Variants in ZNF711 observed in about 807,000 individuals in gnomAD.
The protein encoded by ZNF711 is ZFX family zinc finger ZNF711.
Under a neutral mutation model 43.5 loss-of-function variants are expected in ZNF711, and 3 were observed. The ratio of observed to expected loss-of-function variants is 0.07; its 90% CI spans 0.03 to 0.18. The LOEUF (loss-of-function observed/expected upper bound fraction) is 0.18. Among genes scored for constraint, ZNF711 ranks in the 10% least tolerant of loss-of-function variants. The pLI is 1.00. For synonymous variants in ZNF711, 209 were observed against 207.7 expected (o/e 1.01, Z -0.06); for missense variants, 412 against 604.0 (o/e 0.68, Z 3.33).
At chrX:85,260,007 G>A (rs1044322106) in intron 5 of ZNF711, among the ~76,000 whole-genome samples, 1 of 111,160 alleles carries the variant, frequency 9.0e-6, no homozygotes, top group African/African-American at 3.3e-5. Context: ...CATTCAGTTC[G>A]ATATTGGCTT....
At chrX:85,269,358 TTTTCTTTC>T (rs760414710) in intron 9 of ZNF711, among the ~76,000 whole-genome samples, 3 of 109,464 alleles carry the variant, frequency 2.7e-5, no homozygotes, top group Non-Finnish European at 5.7e-5. Context: ...TTTTTTTTCT[TTTTCTTTC>T]TTTCTTTCTT....
intron 5 of ZNF711, 113 bp from the exon 6 acceptor site, chrX:85,264,162 A>G (rs993706506): frequency 1.8e-6 from 1 of 567,674 alleles, no homozygotes; most frequent in Non-Finnish European, 2.9e-6. Flanking sequence ...GGTTAACATT[A>G]TTTCACGTTA....
chrX:85,250,670 A>G (rs771065462), intron 4 of ZNF711, among the ~76,000 whole-genome samples: 20 of 111,646 alleles, frequency 1.8e-4, no homozygotes, highest in Admixed American at 6.6e-4. Context: ...TTACTTTTGC[A>G]TTTTTGGTGA....
intron 5 of ZNF711, among the ~76,000 whole-genome samples, chrX:85,259,649 G>T (rs759976499): frequency 1.3e-4 from 14 of 110,032 alleles, no homozygotes; most frequent in Non-Finnish European, 2.7e-4. Context: ...TTTTTTTGAG[G>T]CTGTTGTACA....
chrX:85,254,306 A>G (rs1190105879), intron 4 of ZNF711, among the ~76,000 whole-genome samples: 1 of 96,673 alleles, frequency 1.0e-5, no homozygotes, highest in Admixed American at 1.1e-4. Context: ...CATCTCTACT[A>G]AAAATACAAA....
chrX:85,256,174 A>T (rs1372393688), intron 5 of ZNF711, among the ~76,000 whole-genome samples: 1 of 111,469 alleles, frequency 9.0e-6, no homozygotes, highest in Admixed American at 9.5e-5. Context: ...ATTGTCAATT[A>T]AGTTTTTCTT....
chrX:85,268,349 A>G lies in ZNF711; in HGVS notation c.1102+8A>G. On this transcript the variant is annotated splice_region_variant and intron_variant, in intron 9 of 10. Transcript: ENST00000674551. Reference sequence around the variant, plus strand: ...AAGATTGTCAAGCATCAGGTAAGAGAGCATTGTATATGAGATGTGAGTTAA... The same window carrying G: ...AAGATTGTCAAGCATCAGGTAAGAGGGCATTGTATATGAGATGTGAGTTAA... The G allele has an allele frequency of 8.4e-7, 1 of 1,196,785 alleles. No homozygotes were observed. Among genetic ancestry groups the G allele is most frequent in the Non-Finnish European group, 1.1e-6 (1 of 889,300 alleles).
In ZNF711 at chrX:85,255,315, C is replaced by T; in HGVS notation, c.136C>T (p.Pro46Ser). The change falls in exon 5 of 11, where the codon CCT (proline) becomes TCT (serine). Residue 46 changes from proline to serine, a missense_variant. Coordinates refer to ENST00000674551, the MANE Select transcript of ZNF711 (RefSeq NM_001330574.2). ...IDGDHIVVSVPEAVLVSDVVT... is the reference protein window; with the variant it reads ...IDGDHIVVSVSEAVLVSDVVT... ...TGGAGACCATATTGTTGTTTCAGTT[C>T]CTGAAGCTGTTTTAGTTTCTGATGT... The T allele has an allele frequency of 8.3e-7, 1 of 1,210,518 alleles. No individual in the cohort carries two copies. Among genetic ancestry groups the T allele is most frequent in the Non-Finnish European group, 1.1e-6 (1 of 894,906 alleles).
chrX:85,266,600 A>G (rs1337038833), intron 7 of ZNF711, among the ~76,000 whole-genome samples: 1 of 110,600 alleles, frequency 9.0e-6, no homozygotes, highest in Non-Finnish European at 1.9e-5. Context: ...TTTTCTATTT[A>G]ACAAGTTAAA....
chrX:85,250,276 C>G (rs1243943845), intron 4 of ZNF711, among the ~76,000 whole-genome samples: 2 of 110,828 alleles, frequency 1.8e-5, no homozygotes, highest in East Asian at 5.6e-4. Context: ...ATTTTTTTTT[C>G]ATTTGAATTG....
intron 4 of ZNF711, 70 bp from the exon 5 acceptor site, chrX:85,255,189 A>T (rs1249610730): frequency 1.0e-6 from 1 of 963,642 alleles, no homozygotes; most frequent in Non-Finnish European, 1.5e-6. Context: ...ATAGCATTTG[A>T]TTTATTAAAT....
chrX:85,265,944 A>C (rs1327407728), intron 7 of ZNF711, among the ~76,000 whole-genome samples: 2 of 111,607 alleles, frequency 1.8e-5, no homozygotes, highest in African/African-American at 6.5e-5. Context: ...TGTGGGGCTA[A>C]GTACCACAGG....
At chrX:85,253,879 A>T (rs1453071313) in intron 4 of ZNF711, among the ~76,000 whole-genome samples, 1 of 111,462 alleles carries the variant, frequency 9.0e-6, no homozygotes, top group Non-Finnish European at 1.9e-5. Context: ...TACTCCATTT[A>T]TACATTATAC....
At chrX:85,270,244 T>C in intron 10 of ZNF711, 98 bp downstream of exon 10, 1 of 913,614 alleles carries the variant, frequency 1.1e-6, no homozygotes. Flanking sequence ...GCAGTTCTAC[T>C]CTCCATGTAC....
At chrX:85,268,273 T>C in intron 8 of ZNF711, 21 bp from the exon 9 acceptor site, 1 of 1,061,049 alleles carries the variant, frequency 9.4e-7, no homozygotes, top group Non-Finnish European at 1.2e-6. Flanking sequence ...TTGGTCTTTT[T>C]TTTTTTTTTT....
Position 85,270,091 on chromosome X carries a change from A to G in ZNF711, c.1191A>G (p.Val397=). Residue 397 remains valine, a synonymous_variant, in exon 10 of 11, where the codon GTA becomes GTG. Transcript: ENST00000674551. ...QICDGINTNK[V]LKQKAKKRRR... ...GTGACGGCATTAATACAAATAAAGT[A>G]CTTAAACAAAAAGCCAAAAAGAGGA... 8.3e-7 allele frequency: 1 copy of G among 1,210,430 alleles called. No individual in the cohort carries two copies. The highest frequency in any genetic ancestry group is 1.1e-6 in the Non-Finnish European group (1 of 894,609).
Position 85,248,173 on chromosome X carries a change from T to TAAA in ZNF711, c.79+532_79+534dup, listed in dbSNP as rs1441888522. ...CATTTTTCTTTCTCTTTTTTTTTTT[T>TAAA]AAAAAAAAAAAAGAGGCCGGGCTTC... is the stretch of plus-strand genomic sequence containing the variant. On this transcript the variant is annotated intron_variant, in intron 4 of 10. Coordinates refer to ENST00000674551, the MANE Select transcript of ZNF711 (RefSeq NM_001330574.2). 1.7e-3 allele frequency among the ~76,000 whole-genome samples: 167 copies of TAAA among 99,242 alleles called. 2 individuals are homozygous for TAAA. Among genetic ancestry groups the TAAA allele is most frequent in the African/African-American group, 5.1e-3 (138 of 27,259 alleles). The allele number at this position is 99,242 out of a possible 115,157, so 86.2% of individuals were successfully genotyped here.
intron 5 of ZNF711, among the ~76,000 whole-genome samples, chrX:85,258,816 C>T (rs191129505): frequency 6.4e-5 from 7 of 110,044 alleles, no homozygotes; most frequent in Non-Finnish European, 1.1e-4. Flanking sequence ...TACCTTTGTC[C>T]GATGCATAGT....
At chrX:85,247,706 A>C (rs976438311) in intron 4 of ZNF711, 55 bp downstream of exon 4, 2 of 975,050 alleles carry the variant, frequency 2.1e-6, no homozygotes, top group African/African-American at 3.8e-5. Flanking sequence ...GGGGATAATA[A>C]AAATCAAAAA....
Sources: allele counts gnomAD v4.1 joint callset (sites outside exome capture counted in the v4.1 genomes callset), GRCh38; gene constraint gnomAD v4.1.1; transcripts MANE v1.5; gene names NCBI Gene and HGNC (gene_info 2026-07-23, HGNC 2026-07-21).